TRIM14: variants seen among roughly 807,000 people sequenced by gnomAD.
TRIM14 encodes tripartite motif containing 14, also known as tripartite motif-containing protein 14.
In TRIM14, 28 loss-of-function variants were observed where a neutral mutation model predicts 44.5. The observed-to-expected ratio is 0.63, with a 90% CI of 0.47 to 0.86. The LOEUF (loss-of-function observed/expected upper bound fraction) is 0.86. TRIM14 is among the 40% of genes least tolerant of loss of function. The pLI is 0.00. For synonymous variants in TRIM14, 299 were observed against 269.2 expected, an observed-to-expected ratio of 1.11 and a Z score of -1.08; for missense variants, 607 against 611.1, an observed-to-expected ratio of 0.99 and a Z score of 0.07.
intron 1 of TRIM14, chr9:98,116,232 G>A (rs977012657): frequency 2.0e-5 from 3 of 150,916 alleles, no homozygotes; most frequent in Non-Finnish European, 4.4e-5. Flanking sequence ...AACCTGGGAG[G>A]TGGAGGCTGC....
At chr9:98,068,844 AT>A (rs1367184944), downstream of TRIM14, among the ~76,000 whole-genome samples, 7 of 142,946 alleles carry the variant, frequency 4.9e-5, no homozygotes, top group African/African-American at 1.9e-4. Flanking sequence ...AAAAAAAAAA[AT>A]TGATAACACC....
chr9:98,046,488 C>CTGTA, the TRIM14 span, among the ~76,000 whole-genome samples: 1 of 151,762 alleles, frequency 6.6e-6, no homozygotes, highest in Admixed American at 6.6e-5. Context: ...GTTGCCCAGG[C>CTGTA]TGTAGTGCAA....
chr9:98,078,836 GAAA>G (rs11424970), intron 6 of TRIM14, among the ~76,000 whole-genome samples: 3 of 123,020 alleles, frequency 2.4e-5, no homozygotes, highest in Non-Finnish European at 1.6e-5. Flanking sequence ...CTCTCAGGGG[GAAA>G]AAAAAAAAAA....
the TRIM14 span, among the ~76,000 whole-genome samples, chr9:98,038,757 A>G: frequency 6.6e-6 from 1 of 152,150 alleles, no homozygotes; most frequent in East Asian, 1.9e-4. Flanking sequence ...AGGCCATTTA[A>G]ACCTGAGACA....
At chr9:98,108,720 G>A (rs1261982851) in intron 2 of TRIM14, among the ~76,000 whole-genome samples, 1 of 151,624 alleles carries the variant, frequency 6.6e-6, no homozygotes, top group East Asian at 2.0e-4. Flanking sequence ...ACGTCTTCAG[G>A]GTACTGGCAA....
rs1587948206 is a variant in TRIM14, at chr9:98,092,061, T to C, written c.701-60A>G. 3 of 1,331,228 alleles carry C rather than the reference T, an allele frequency of 2.3e-6. No homozygotes were observed. In the East Asian group the frequency reaches 7.2e-5, roughly 32 times the overall value. The allele number at this position is 1,331,228 out of a possible 1,614,324, so 82.5% of individuals were successfully genotyped here. A position where few individuals can be genotyped will look rare whatever the true frequency, so the allele number is the denominator to read the frequency against. On this transcript the variant is annotated intron_variant, in intron 4 of 5. Coordinates refer to ENST00000341469, the MANE Select transcript of TRIM14 (RefSeq NM_014788.4). ...CTTATGCAAGCAGACAAATAAGACG[T>C]GCTAAAAATACCACACAACTGGAGA...
At chr9:98,078,074 T>C in intron 6 of TRIM14, 1 of 1,438,300 alleles carries the variant, frequency 7.0e-7, no homozygotes, top group South Asian at 1.3e-5. Flanking sequence ...GCTGGCACAG[T>C]GTTTTAAGAG....
At chr9:98,081,238 T>G, downstream of TRIM14, 1 of 943,834 alleles carries the variant, frequency 1.1e-6, no homozygotes, top group Non-Finnish European at 1.6e-6. Flanking sequence ...CAGGCTTCTC[T>G]TCAGTAATGC....
downstream of TRIM14, chr9:98,080,905 G>A (rs1328366517): frequency 1.6e-5 from 26 of 1,614,084 alleles, no homozygotes; most frequent in Non-Finnish European, 2.0e-5. Context: ...TGGCTCTGGG[G>A]GCCAAGGTGT....
At chr9:98,116,071 G>A (rs1036240396) in intron 1 of TRIM14, 20 of 151,876 alleles carry the variant, frequency 1.3e-4, no homozygotes, top group Admixed American at 1.2e-3. Context: ...ACACTGAGGT[G>A]GGCAGTTCAC....
intron 5 of TRIM14, among the ~76,000 whole-genome samples, chr9:98,091,007 C>T (rs1825974699): frequency 6.6e-6 from 1 of 152,206 alleles, no homozygotes; most frequent in Admixed American, 6.5e-5. Flanking sequence ...TTACTTTGCA[C>T]TTGAATAAAC....
the TRIM14 span, chr9:98,057,076 G>T: frequency 1.6e-6 from 2 of 1,230,912 alleles, no homozygotes. Flanking sequence ...TTCCGTTTTC[G>T]GAATCCTTCG....
chr9:98,081,251 G>A (rs559571787), downstream of TRIM14: 2 of 842,154 alleles, frequency 2.4e-6, no homozygotes, highest in East Asian at 2.7e-5. Flanking sequence ...AGTAATGCAT[G>A]TCACTCTGGC....
chr9:98,098,415 G>A (rs1215618272), intron 3 of TRIM14, among the ~76,000 whole-genome samples: 1 of 152,132 alleles, frequency 6.6e-6, no homozygotes, highest in African/African-American at 2.4e-5. Flanking sequence ...GTTCCCTAAA[G>A]ACAGGAACAC....
At chr9:98,057,175 C>T in the TRIM14 span, among the ~76,000 whole-genome samples, 2 of 152,254 alleles carry the variant, frequency 1.3e-5, no homozygotes, top group Non-Finnish European at 2.9e-5. Context: ...CCTCCCCGTT[C>T]TGGTGCCAGA....
At chr9:98,057,038 C>A in the TRIM14 span, 6 of 1,389,148 alleles carry the variant, frequency 4.3e-6, no homozygotes, top group South Asian at 9.1e-5. Context: ...GGCTGGGTAC[C>A]CTGGTCCGGC....
At chr9:98,088,565 G>A (rs558922386) in intron 5 of TRIM14, among the ~76,000 whole-genome samples, 2 of 152,238 alleles carry the variant, frequency 1.3e-5, no homozygotes, top group South Asian at 2.1e-4. Context: ...CATACATGAC[G>A]TTAGGTAATC....
Position 98,075,141 on chromosome 9 carries a change from A to C in TRIM14, c.*29-5454T>G, listed in dbSNP as rs879005634. 6.8e-5 allele frequency: 10 copies of C among 146,358 alleles called. No individual in the cohort carries two copies. The Admixed American group carries it at 7.1e-4, about 10-fold the overall frequency. 9.1% of individuals were successfully genotyped at this position (146,358 alleles called of 1,614,324 possible). On this transcript the variant is annotated intron_variant, in intron 6 of 6. Coordinates refer to the TRIM14 transcript ENST00000375098. ...GGCAACATAGCAAGACCCCATCTCC[A>C]CAGCAAATTAAAAAAAAAAAAAAAT... is the stretch of plus-strand genomic sequence containing the variant.
chr9:98,065,512 T>G (rs551997981), downstream of TRIM14, among the ~76,000 whole-genome samples: 53 of 131,646 alleles, frequency 4.0e-4, no homozygotes, highest in South Asian at 0.011. Context: ...TTTTTTTTTG[T>G]ATTTTTAGTA....
Sources: allele counts gnomAD v4.1 joint callset (sites outside exome capture counted in the v4.1 genomes callset), GRCh38; gene constraint gnomAD v4.1.1; transcripts MANE v1.5; gene names NCBI Gene and HGNC (gene_info 2026-07-23, HGNC 2026-07-21).